Variants in PHAX observed in about 807,000 individuals in gnomAD.
PHAX encodes phosphorylated adaptor for RNA export.
In PHAX, 31 loss-of-function variants were observed where a neutral mutation model predicts 41.6. That is an observed-to-expected ratio of 0.75 (90% CI 0.56 to 1.01). The LOEUF (loss-of-function observed/expected upper bound fraction) is 1.01. PHAX is among the 50% of genes least tolerant of loss of function. The pLI is 0.00. For synonymous variants in PHAX, 175 were observed against 164.9 expected (o/e 1.06, Z -0.47); for missense variants, 453 against 472.9 (o/e 0.96, Z 0.39).
At chr5:126,619,529 T>G (rs1404244097) in intron 4 of PHAX, among the ~76,000 whole-genome samples, 2 of 147,986 alleles carry the variant, frequency 1.4e-5, no homozygotes, top group Non-Finnish European at 3.0e-5. Context: ...TAAGCCGAGA[T>G]CACACCACTG....
At position 126,624,921 on chromosome 5, in the gene PHAX, G is replaced by A. The variant is rs183789423; in HGVS notation, c.*77G>A. 1.4e-3 allele frequency: 1,826 copies of A among 1,268,292 alleles called. 2 individuals are homozygous for A. The highest frequency in any genetic ancestry group is 1.8e-3 in the Non-Finnish European group (1,675 of 914,828). The allele number at this position is 1,268,292 out of a possible 1,614,324, so 78.6% of individuals were successfully genotyped here. A position where few individuals can be genotyped will look rare whatever the true frequency, so the allele number is the denominator to read the frequency against. ...AAACCATTTTTACTGAGATTGCAAC[G>A]TTTTGCACTGATAAACATGAGAATC... On this transcript the variant is annotated 3_prime_UTR_variant, in exon 5 of 5. Coordinates refer to ENST00000297540, the MANE Select transcript of PHAX (RefSeq NM_032177.4).
At chr5:126,623,510 C>T (rs1482527246) in intron 4 of PHAX, among the ~76,000 whole-genome samples, 2 of 152,178 alleles carry the variant, frequency 1.3e-5, no homozygotes, top group East Asian at 3.9e-4. Flanking sequence ...TAACTGGTAG[C>T]AAGCCTCATT....
At chr5:126,613,340 ACT>A (rs1310383711) in intron 3 of PHAX, among the ~76,000 whole-genome samples, 5 of 152,202 alleles carry the variant, frequency 3.3e-5, no homozygotes, top group African/African-American at 4.8e-5. Context: ...CAAGAACATG[ACT>A]CTGTCTCAAA....
chr5:126,603,592 C>T lies in PHAX; in HGVS notation c.119C>T (p.Ala40Val). 6.2e-7 allele frequency: 1 copy of T among 1,612,838 alleles called. No homozygotes were observed. ...QLPKVLGGDS[A>V]MRAFQNTATA... ...CAGAAAGTGCTAGGTGGCGACAGTG[C>T]TATGAGGGCCTTCCAGAACACGGCA... is the stretch of plus-strand genomic sequence containing the variant. The change falls in exon 2 of 5, where the codon GCT becomes GTT. Residue 40 changes from alanine to valine, a missense_variant. Coordinates refer to ENST00000297540, the MANE Select transcript of PHAX (RefSeq NM_032177.4).
rs558647957 is a variant in PHAX at position 126,617,130 on chromosome 5, C to G, written c.832-120C>G. 4 of 495,062 alleles carry G rather than the reference C, an allele frequency of 8.1e-6. No homozygotes were observed. In the East Asian group the frequency reaches 1.3e-4, roughly 16 times the overall value. 30.7% of individuals were successfully genotyped at this position (495,062 alleles called of 1,614,324 possible). A position where few individuals can be genotyped will look rare whatever the true frequency, so the allele number is the denominator to read the frequency against. ...TTACCTATTTTGTAAGAGTCAGAAT[C>G]AGGACTGGACTTCAGATCTGGTATT... is the stretch of plus-strand genomic sequence containing the variant. On this transcript the variant is annotated intron_variant, in intron 3 of 4. Coordinates refer to ENST00000297540, the MANE Select transcript of PHAX (RefSeq NM_032177.4).
At chr5:126,601,492 A>G (rs1751902791) in intron 1 of PHAX, among the ~76,000 whole-genome samples, 1 of 152,196 alleles carries the variant, frequency 6.6e-6, no homozygotes, top group African/African-American at 2.4e-5. Context: ...AATATGTAGC[A>G]TCTAGGGACA....
At chr5:126,615,365 G>C (rs1752167618) in intron 3 of PHAX, among the ~76,000 whole-genome samples, 1 of 152,096 alleles carries the variant, frequency 6.6e-6, no homozygotes, top group Non-Finnish European at 1.5e-5. Context: ...CAGATGTGCA[G>C]TGTCTAAAAA....
chr5:126,624,291 G>A (rs1233121307), intron 4 of PHAX, among the ~76,000 whole-genome samples: 1 of 152,104 alleles, frequency 6.6e-6, no homozygotes, highest in Non-Finnish European at 1.5e-5. Flanking sequence ...TTACAGGCAT[G>A]AGTCACCATG....
intron 4 of PHAX, among the ~76,000 whole-genome samples, chr5:126,622,202 C>G (rs775893006): frequency 1.3e-5 from 2 of 152,026 alleles, no homozygotes; most frequent in Non-Finnish European, 2.9e-5. Context: ...GGCGCGCTCT[C>G]GGCTCACTGC....
chr5:126,618,033 A>G (rs1364446522), intron 4 of PHAX, among the ~76,000 whole-genome samples: 2 of 152,072 alleles, frequency 1.3e-5, no homozygotes, highest in Non-Finnish European at 2.9e-5. Context: ...TGTTCACTGC[A>G]GCCTCTGCCT....
chr5:126,614,079 C>T (rs1044388117), intron 3 of PHAX, among the ~76,000 whole-genome samples: 1 of 151,664 alleles, frequency 6.6e-6, no homozygotes, highest in African/African-American at 2.4e-5. Flanking sequence ...TTCTTTTAAC[C>T]GCATGTTTTT....
chr5:126,609,633 C>G (rs1752048298), intron 3 of PHAX, among the ~76,000 whole-genome samples: 1 of 151,794 alleles, frequency 6.6e-6, no homozygotes, highest in African/African-American at 2.4e-5. Flanking sequence ...ATACTGACCA[C>G]AGTGCCCAGC....
chr5:126,609,498 T>C (rs959332498), intron 3 of PHAX, among the ~76,000 whole-genome samples: 3 of 152,144 alleles, frequency 2.0e-5, no homozygotes, highest in East Asian at 3.9e-4. Flanking sequence ...TTTTTACTTC[T>C]AGATTTTCAA....
Position 126,614,177 on chromosome 5 carries a change from C to T in PHAX, c.832-3073C>T, listed in dbSNP as rs140942176. Among the ~76,000 whole-genome samples the T allele has an allele frequency of 1.1e-3, 164 of 152,262 alleles. 3 individuals carry two copies. In the East Asian group the frequency reaches 0.024, roughly 23 times the overall value. ...ACAGTGTTGCCATCTCAGCTCACTGCAACCTCTGCCTCCCAGATTCAAACA... is the reference window on the plus strand; with the variant it reads ...ACAGTGTTGCCATCTCAGCTCACTGTAACCTCTGCCTCCCAGATTCAAACA... On this transcript the variant is annotated intron_variant, in intron 3 of 4. Transcript: ENST00000297540.
At chr5:126,621,600 C>T (rs1255829825) in intron 4 of PHAX, among the ~76,000 whole-genome samples, 1 of 152,094 alleles carries the variant, frequency 6.6e-6, no homozygotes, top group Non-Finnish European at 1.5e-5. Context: ...ACTTAGAAGC[C>T]AGAACTTGAC....
intron 2 of PHAX, among the ~76,000 whole-genome samples, chr5:126,605,814 C>T (rs1316878762): frequency 1.3e-5 from 2 of 152,150 alleles, no homozygotes; most frequent in East Asian, 1.9e-4. Context: ...ATTTTTAAAT[C>T]ATGGGTTGTT....
chr5:126,613,585 G>A (rs1338054097), intron 3 of PHAX, among the ~76,000 whole-genome samples: 1 of 152,062 alleles, frequency 6.6e-6, no homozygotes, highest in Non-Finnish European at 1.5e-5. Context: ...GGCTAAGGAG[G>A]TGGGAGGATC....
At chr5:126,622,559 C>G (rs1752289186) in intron 4 of PHAX, among the ~76,000 whole-genome samples, 1 of 143,112 alleles carries the variant, frequency 7.0e-6, no homozygotes, top group African/African-American at 2.6e-5. Flanking sequence ...TCCTGAAATG[C>G]TAGGATTACA....
intron 3 of PHAX, among the ~76,000 whole-genome samples, chr5:126,612,953 G>T (rs1047151840): frequency 9.8e-5 from 15 of 152,310 alleles, no homozygotes; most frequent in African/African-American, 3.6e-4. Context: ...CCAGTTTGAA[G>T]AGCAATATCC....
Sources: gnomAD v4.1 joint callset for allele counts (sites outside exome capture counted in the v4.1 genomes callset) on GRCh38, gnomAD v4.1.1 for gene constraint, MANE v1.5 for transcripts, NCBI Gene and HGNC (gene_info 2026-07-23, HGNC 2026-07-21) for gene names.